MIGA2: variants seen among roughly 807,000 people sequenced by gnomAD.
MIGA2 encodes the protein family with sequence similarity 73, member B.
A neutral mutation model predicts 69.9 loss-of-function variants in MIGA2; 36 were observed. That is an observed-to-expected ratio of 0.52 (90% CI 0.39 to 0.68). The LOEUF (loss-of-function observed/expected upper bound fraction) is 0.68. Among genes scored for constraint, MIGA2 ranks in the 30% least tolerant of loss-of-function variants. The pLI, the probability that MIGA2 is intolerant of heterozygous loss-of-function variation, is 0.00. For synonymous variants in MIGA2, 333 were observed against 349.2 expected, an observed-to-expected ratio of 0.95 and a Z score of 0.52; for missense variants, 660 against 787.7, an observed-to-expected ratio of 0.84 and a Z score of 1.94.
Position 129,060,469 on chromosome 9 carries a change from T to A in MIGA2, c.794-81T>A. The A allele has an allele frequency of 8.5e-7, 1 of 1,172,712 alleles. No homozygotes were observed. Among genetic ancestry groups the A allele is most frequent in the Non-Finnish European group, 1.2e-6 (1 of 821,536 alleles). The allele number at this position is 1,172,712 out of a possible 1,614,324, so 72.6% of individuals were successfully genotyped here. ...GGGATGAAGCCTCCCCTGGGCCTGA[T>A]GGGGGACTTCGTGTACCGGGATTCC... is the stretch of plus-strand genomic sequence containing the variant. On this transcript the variant is annotated intron_variant, in intron 7 of 15. Coordinates refer to ENST00000684074, the MANE Select transcript of MIGA2 (RefSeq NM_001329990.2). The surrounding 1 kb of genome is among the most constrained non-coding windows in gnomAD (Gnocchi z 4.8).
Position 129,060,757 on chromosome 9 carries a change from A to G in MIGA2, c.894+107A>G. 1 of 947,634 alleles carries G rather than the reference A, an allele frequency of 1.1e-6. No homozygotes were observed. The highest frequency in any genetic ancestry group is 3.0e-5 in the East Asian group (1 of 33,548). The allele number at this position is 947,634 out of a possible 1,614,324, so 58.7% of individuals were successfully genotyped here. ...TGGGAAAGTGGAGGCATTTCCTCTG[A>G]TGGGAGAATTTGGATGCTCCCACGG... is the stretch of plus-strand genomic sequence containing the variant. On this transcript the variant is annotated intron_variant, in intron 8 of 15. Coordinates refer to ENST00000684074, the MANE Select transcript of MIGA2 (RefSeq NM_001329990.2). This position sits in a 1 kb window ranked among gnomAD's most constrained non-coding sequence, Gnocchi z 4.8.
At chr9:129,056,520 CTT>C (rs777582517) in intron 6 of MIGA2, among the ~76,000 whole-genome samples, 11 of 142,142 alleles carry the variant, frequency 7.7e-5, no homozygotes, top group Non-Finnish European at 9.3e-5. Context: ...GTAATAATGA[CTT>C]TTTTTTTTTT....
chr9:129,037,624 C>T (rs766857726), intron 1 of MIGA2, among the ~76,000 whole-genome samples: 2 of 152,126 alleles, frequency 1.3e-5, no homozygotes, highest in Non-Finnish European at 2.9e-5. Context: ...TACCTCGCAC[C>T]TGCAGGCTCT....
chr9:129,041,333 A>G (rs952699920), intron 2 of MIGA2, among the ~76,000 whole-genome samples: 1 of 134,154 alleles, frequency 7.5e-6, no homozygotes, highest in African/African-American at 3.1e-5. Flanking sequence ...CTCCGCCTCA[A>G]AAAAAAAAAA....
At chr9:129,053,979 G>A (rs1434174064) in intron 6 of MIGA2, among the ~76,000 whole-genome samples, 1 of 152,118 alleles carries the variant, frequency 6.6e-6, no homozygotes, top group African/African-American at 2.4e-5. Context: ...GGAGTTCAAG[G>A]CTGCAGTGAG....
At chr9:129,070,120 G>T in intron 15 of MIGA2, 127 bp from the exon 16 acceptor site, 1 of 1,276,800 alleles carries the variant, frequency 7.8e-7, no homozygotes, top group Non-Finnish European at 1.1e-6. Flanking sequence ...GCAGTGGGAG[G>T]GAGGAGCCTG....
chr9:129,064,898 T>C (rs559552380), intron 11 of MIGA2, among the ~76,000 whole-genome samples: 2 of 151,276 alleles, frequency 1.3e-5, no homozygotes, highest in African/African-American at 4.9e-5. Flanking sequence ...TCCTCCCACC[T>C]CAACCTCCTG....
intron 6 of MIGA2, among the ~76,000 whole-genome samples, chr9:129,055,039 A>C (rs1206132180): frequency 6.8e-6 from 1 of 147,658 alleles, no homozygotes; most frequent in East Asian, 2.0e-4. Context: ...TTACAGGCGC[A>C]CGTCACCACG....
At position 129,048,426 on chromosome 9, in the gene MIGA2, G is replaced by A. The variant is rs1415147311; in HGVS notation, c.308-1G>A. On this transcript the variant is annotated splice_acceptor_variant, in intron 3 of 15. Coordinates refer to ENST00000684074, the MANE Select transcript of MIGA2 (RefSeq NM_001329990.2). LOFTEE classifies it high-confidence loss of function. ...GACGCCTGCCCTTCTGCTCCTCACA[G>A]GATACTCCAGCCGGAGAGTCCAGAG... The A allele has an allele frequency of 6.2e-7, 1 of 1,613,738 alleles. No individual in the cohort carries two copies. The highest frequency in any genetic ancestry group is 8.5e-7 in the Non-Finnish European group (1 of 1,179,732).
In MIGA2 at chr9:129,070,891, T is replaced by G; in HGVS notation, c.*438T>G. On this transcript the variant is annotated 3_prime_UTR_variant, in exon 16 of 16. Coordinates refer to ENST00000684074, the MANE Select transcript of MIGA2 (RefSeq NM_001329990.2). ...TCAGCATCCAGCTGGCCTGTCCTGA[T>G]GCCCTCCCCACCTCAACCGCCTTCT... 2 of 164,458 alleles carry G rather than the reference T, an allele frequency of 1.2e-5. No homozygotes were observed. Among genetic ancestry groups the G allele is most frequent in the Non-Finnish European group, 1.3e-5 (1 of 75,944 alleles). 10.2% of individuals were successfully genotyped at this position (164,458 alleles called of 1,614,324 possible).
intron 1 of MIGA2, 90 bp from the exon 2 acceptor site, chr9:129,040,361 GC>G: frequency 2.1e-6 from 2 of 944,730 alleles, no homozygotes; most frequent in Non-Finnish European, 2.8e-6. Context: ...CTTTGCTCCT[GC>G]CTCCTCCCCC....
chr9:129,043,165 G>T (rs1268770600), intron 3 of MIGA2, among the ~76,000 whole-genome samples: 5 of 151,658 alleles, frequency 3.3e-5, no homozygotes, highest in Admixed American at 6.6e-5. Context: ...CTGCACTCCA[G>T]CCTGGGTGAC....
At chr9:129,053,500 A>G (rs1845652165) in intron 6 of MIGA2, among the ~76,000 whole-genome samples, 1 of 151,208 alleles carries the variant, frequency 6.6e-6, no homozygotes. Flanking sequence ...AGTAGTTTGG[A>G]TTACAGGCAT....
At chr9:129,050,576 T>TATTTATTTATTTATTA (rs1314066667) in intron 6 of MIGA2, among the ~76,000 whole-genome samples, 1 of 147,250 alleles carries the variant, frequency 6.8e-6, no homozygotes, top group African/African-American at 2.5e-5. Context: ...CCCAGCTGTT[T>TATTTATTTATTTATTA]TTTTTTTTTT....
chr9:129,064,310 C>T (rs1352571456), intron 11 of MIGA2, among the ~76,000 whole-genome samples: 1 of 151,634 alleles, frequency 6.6e-6, no homozygotes, highest in African/African-American at 2.4e-5. Flanking sequence ...GGGTTCACAC[C>T]ATTCTCCTGC....
At position 129,060,630 on chromosome 9, in the gene MIGA2, T is replaced by G. The variant is rs772556228; in HGVS notation, c.874T>G (p.Ser292Ala). 1.3e-6 allele frequency: 2 copies of G among 1,599,524 alleles called. No homozygotes were observed. Among genetic ancestry groups the G allele is most frequent in the South Asian group, 1.1e-5 (1 of 88,626 alleles). Residue 292 changes from serine to alanine, a missense_variant, in exon 8 of 16, where the codon TCC becomes GCC. Coordinates refer to ENST00000684074, the MANE Select transcript of MIGA2 (RefSeq NM_001329990.2). This position sits in a 1 kb window ranked among gnomAD's most constrained non-coding sequence, Gnocchi z 4.8. ...TGAGGACAGCCTGACTTCAGAGGAT[T>G]CCTTCTTCTCCGCCACCGAGGTGAC... ...DDEDSLTSED[S>A]FFSATELFES...
Position 129,060,498 on chromosome 9 carries a change from T to G in MIGA2, c.794-52T>G. 9 of 1,430,864 alleles carry G rather than the reference T, an allele frequency of 6.3e-6. No individual in the cohort carries two copies. Among genetic ancestry groups the G allele is most frequent in the Non-Finnish European group, 7.7e-6 (8 of 1,042,564 alleles). The allele number at this position is 1,430,864 out of a possible 1,614,324, so 88.6% of individuals were successfully genotyped here. ...GGACTTCGTGTACCGGGATTCCAGC[T>G]GAGCACTGTGTGGGGAGTCTCAGCC... On this transcript the variant is annotated intron_variant, in intron 7 of 15. Transcript: ENST00000684074. This position sits in a 1 kb window ranked among gnomAD's most constrained non-coding sequence, Gnocchi z 4.8.
At chr9:129,055,140 C>T (rs937187267) in intron 6 of MIGA2, among the ~76,000 whole-genome samples, 11 of 150,460 alleles carry the variant, frequency 7.3e-5, no homozygotes, top group African/African-American at 2.2e-4. Flanking sequence ...TTCAGTGGCG[C>T]GATCTTGGCT....
At position 129,069,275 on chromosome 9, in the gene MIGA2, T is replaced by C; in HGVS notation, c.1458+146T>C. On this transcript the variant is annotated intron_variant, in intron 14 of 15. Coordinates refer to ENST00000684074, the MANE Select transcript of MIGA2 (RefSeq NM_001329990.2). This position sits in a 1 kb window ranked among gnomAD's most constrained non-coding sequence, Gnocchi z 4.9. ...CCCTTGTTCCGCCGTTACCTCTCCC[T>C]GTGCCAGGAGCTCCCTGGAGGCTCG... is the stretch of plus-strand genomic sequence containing the variant. 1 of 1,005,730 alleles carries C rather than the reference T, an allele frequency of 9.9e-7. No individual in the cohort carries two copies. Among genetic ancestry groups the C allele is most frequent in the Admixed American group, 1.9e-5 (1 of 51,862 alleles). The allele number at this position is 1,005,730 out of a possible 1,614,324, so 62.3% of individuals were successfully genotyped here.
Sources: gnomAD v4.1 joint callset for allele counts (sites outside exome capture counted in the v4.1 genomes callset) on GRCh38, gnomAD v4.1.1 for gene constraint, Gnocchi (gnomAD v3.1) non-coding constraint, MANE v1.5 for transcripts, NCBI Gene and HGNC (gene_info 2026-07-23, HGNC 2026-07-21) for gene names.